The following TANK variants were observed in gnomAD, a reference collection of about 807,000 sequenced individuals.
The protein encoded by TANK is TRAF family member associated NFKB activator.
TANK carries 15 observed loss-of-function variants against 43.6 expected under a neutral mutation model. The observed-to-expected ratio is 0.34, with a 90% CI of 0.23 to 0.53. The LOEUF (loss-of-function observed/expected upper bound fraction) is 0.53. Among genes scored for constraint, TANK ranks in the 20% least tolerant of loss-of-function variants. TANK has a pLI of 0.94. For missense variants in TANK, 417 were observed against 498.6 expected, an observed-to-expected ratio of 0.84 and a Z score of 1.56; for synonymous variants, 162 against 178.2, an observed-to-expected ratio of 0.91 and a Z score of 0.73.
chr2:161,220,419 A>G (rs1469418498), intron 4 of TANK, among the ~76,000 whole-genome samples: 1 of 152,190 alleles, frequency 6.6e-6, no homozygotes, highest in Admixed American at 6.5e-5. Flanking sequence ...CCTGACCAAC[A>G]TGTTGAAACC....
At chr2:161,162,221 T>G (rs1684476268) in intron 1 of TANK, among the ~76,000 whole-genome samples, 1 of 152,172 alleles carries the variant, frequency 6.6e-6, no homozygotes, top group Non-Finnish European at 1.5e-5. Flanking sequence ...ACCAATCTGC[T>G]TTGATATTAC....
Position 161,236,180 on chromosome 2 carries a change from T to C in TANK, c.*662T>C, listed in dbSNP as rs1688163111. ...ATTAAATATTAAGAGGTACTTATGT[T>C]GTGATCATTTGTATGTCCTTTGTTC... On this transcript the variant is annotated 3_prime_UTR_variant, in exon 8 of 8. Transcript: ENST00000392749. 6.6e-6 allele frequency: 1 copy of C among 150,882 alleles called. No homozygotes were observed. The highest frequency in any genetic ancestry group is 1.5e-5 in the Non-Finnish European group (1 of 67,802). 9.3% of individuals were successfully genotyped at this position (150,882 alleles called of 1,614,324 possible). A position where few individuals can be genotyped will look rare whatever the true frequency, so the allele number is the denominator to read the frequency against.
intron 4 of TANK, among the ~76,000 whole-genome samples, chr2:161,214,935 T>C (rs948250806): frequency 6.6e-6 from 1 of 152,222 alleles, no homozygotes; most frequent in Non-Finnish European, 1.5e-5. Flanking sequence ...CATATTGAGC[T>C]TGGGGAACCC....
chr2:161,172,575 A>G (rs987214658), intron 1 of TANK, among the ~76,000 whole-genome samples: 1 of 152,086 alleles, frequency 6.6e-6, no homozygotes. Flanking sequence ...AATTAGATTC[A>G]GTATCTTCCC....
chr2:161,161,579 A>G (rs1354485498), intron 1 of TANK: 1 of 1,210,024 alleles, frequency 8.3e-7, no homozygotes, highest in Non-Finnish European at 1.1e-6. Context: ...GTATGTGCAT[A>G]ACCATGTTAT....
upstream of TANK, among the ~76,000 whole-genome samples, chr2:161,158,172 C>T (rs1341692301): frequency 6.6e-6 from 1 of 152,208 alleles, no homozygotes; most frequent in East Asian, 1.9e-4. Flanking sequence ...GAGCACCACA[C>T]CTGGTCAGTT....
chr2:161,205,057 A>C, intron 4 of TANK: 1 of 880,132 alleles, frequency 1.1e-6, no homozygotes, highest in East Asian at 6.7e-5. Flanking sequence ...GGACACACTG[A>C]CTCACTCCTG....
intron 2 of TANK, among the ~76,000 whole-genome samples, chr2:161,198,944 G>A (rs1159278371): frequency 1.3e-5 from 2 of 152,158 alleles, no homozygotes; most frequent in Non-Finnish European, 2.9e-5. Flanking sequence ...AGAAAGACTT[G>A]TGTAAGCCAG....
At chr2:161,183,453 T>C (rs1291355567) in intron 2 of TANK, among the ~76,000 whole-genome samples, 1 of 152,158 alleles carries the variant, frequency 6.6e-6, no homozygotes, top group Non-Finnish European at 1.5e-5. Context: ...CCGTGACAAT[T>C]CTATATTTCT....
At chr2:161,187,046 A>G (rs1183009221) in intron 2 of TANK, among the ~76,000 whole-genome samples, 1 of 152,236 alleles carries the variant, frequency 6.6e-6, no homozygotes, top group Admixed American at 6.5e-5. Flanking sequence ...AAAGAGGTGG[A>G]AAAGGGAGAA....
chr2:161,232,605 C>T, intron 7 of TANK: 3 of 1,090,806 alleles, frequency 2.8e-6, no homozygotes, highest in South Asian at 4.4e-5. Context: ...GTTATAGTTG[C>T]TACTAAATGA....
upstream of TANK, chr2:161,156,114 G>A (rs762206503): frequency 5.8e-5 from 57 of 985,292 alleles, no homozygotes; most frequent in Middle Eastern, 5.2e-4. Flanking sequence ...TGTGGTTGCC[G>A]TCTCTGTTCT....
At chr2:161,161,679 G>A (rs1313282899) in intron 1 of TANK, 33 of 462,732 alleles carry the variant, frequency 7.1e-5, no homozygotes, top group Non-Finnish European at 7.5e-6. Flanking sequence ...CTTGCCATAT[G>A]TAGCTCTATT....
chr2:161,156,529 ACT>A (rs1172308075), upstream of TANK, among the ~76,000 whole-genome samples: 2 of 152,108 alleles, frequency 1.3e-5, no homozygotes, highest in Non-Finnish European at 2.9e-5. Flanking sequence ...TATTTTGAAG[ACT>A]CTCTTTCAGA....
intron 1 of TANK, among the ~76,000 whole-genome samples, chr2:161,149,259 T>C (rs549212495): frequency 6.6e-6 from 1 of 152,304 alleles, no homozygotes; most frequent in Non-Finnish European, 1.5e-5. Flanking sequence ...CCACTGTAAA[T>C]AGAATTTTCT....
Position 161,217,056 on chromosome 2 carries a change from C to T in TANK, c.328-6859C>T, listed in dbSNP as rs530568413. 1.2e-3 allele frequency among the ~76,000 whole-genome samples: 177 copies of T among 152,256 alleles called. 1 individual carries two copies. The highest frequency in any genetic ancestry group is 4.0e-3 in the African/African-American group (167 of 41,550). On this transcript the variant is annotated intron_variant, in intron 4 of 7. Transcript: ENST00000392749. Reference sequence around the variant, plus strand: ...GTGCCCAGGAGTGCATTCATTGGGTCATATAGTACTTACATGTTTGGAGTT... The same window carrying T: ...GTGCCCAGGAGTGCATTCATTGGGTTATATAGTACTTACATGTTTGGAGTT...
intron 1 of TANK, chr2:161,161,197 A>G (rs1164699519): frequency 4.7e-6 from 7 of 1,502,316 alleles, no homozygotes; most frequent in Non-Finnish European, 6.2e-6. Context: ...AGGATAATCA[A>G]AGAAGAGCTG....
At chr2:161,232,684 T>C in intron 7 of TANK, 7 of 1,526,672 alleles carry the variant, frequency 4.6e-6, no homozygotes, top group Non-Finnish European at 6.2e-6. Flanking sequence ...TCAGTTCTAA[T>C]GCTTGTTACT....
chr2:161,171,861 T>C (rs1684954720), intron 1 of TANK, among the ~76,000 whole-genome samples: 1 of 152,208 alleles, frequency 6.6e-6, no homozygotes, highest in Non-Finnish European at 1.5e-5. Context: ...TCTGTTATTG[T>C]CTTGTGTTTT....
Sources: gnomAD v4.1 joint callset for allele counts (sites outside exome capture counted in the v4.1 genomes callset) on GRCh38, gnomAD v4.1.1 for gene constraint, MANE v1.5 for transcripts, NCBI Gene and HGNC (gene_info 2026-07-23, HGNC 2026-07-21) for gene names.